Variants in TRMT10B observed in about 807,000 individuals in gnomAD.
TRMT10B encodes tRNA methyltransferase 10B.
TRMT10B carries 33 observed loss-of-function variants against 43.8 expected under a neutral mutation model. That is an observed-to-expected ratio of 0.75 (90% CI 0.57 to 1.01). TRMT10B has a LOEUF of 1.01. TRMT10B is among the 50% of genes least tolerant of loss of function. The pLI is 0.00. For synonymous variants in TRMT10B, 137 were observed against 130.6 expected (o/e 1.05, Z -0.34); for missense variants, 362 against 369.8 (o/e 0.98, Z 0.17).
chr9:37,775,476 T>C (rs1828038267), intron 7 of TRMT10B, among the ~76,000 whole-genome samples: 1 of 152,192 alleles, frequency 6.6e-6, no homozygotes, highest in South Asian at 2.1e-4. Context: ...ACTCTGACAC[T>C]AAATGGCCTC....
In TRMT10B at chr9:37,768,186, T is replaced by TG. The variant is rs1373231001; in HGVS notation, c.532dup (p.Glu178GlyfsTer8). 2.5e-6 allele frequency: 4 copies of TG among 1,614,094 alleles called. No individual in the cohort carries two copies. The highest frequency in any genetic ancestry group is 3.4e-6 in the Non-Finnish European group (4 of 1,180,022). ...GATTCACAACAGACAGTCCCCTTTA[T>TG]GAAGAGTGTGTGAGGATGAATGATG... On this transcript the variant is annotated frameshift_variant, in exon 5 of 9. Transcript: ENST00000297994. LOFTEE classifies it high-confidence loss of function.
rs1469093981 is a variant in TRMT10B, at chr9:37,770,712, T to C, written c.693T>C (p.Gly231=). The stretch of plus-strand genomic sequence containing the variant: ...ATCTAAACAAAGTTTACATCCTCGG[T>C]GGGCTTGTGGATGAAAGCATTCAGA... ...DVDLNKVYIL[G]GLVDESIQKK... Residue 231 remains glycine (G), a synonymous_variant, in exon 7 of 9, where the codon GGT becomes GGC. Coordinates refer to ENST00000297994, the MANE Select transcript of TRMT10B (RefSeq NM_144964.4). 6.2e-7 allele frequency: 1 copy of C among 1,613,948 alleles called. No individual in the cohort carries two copies. Among genetic ancestry groups the C allele is most frequent in the Non-Finnish European group, 8.5e-7 (1 of 1,180,048 alleles).
intron 4 of TRMT10B, among the ~76,000 whole-genome samples, chr9:37,764,222 C>T (rs111993641): frequency 0.12 from 18,297 of 152,020 alleles, 1,335 homozygotes; most frequent in Non-Finnish European, 0.16. Flanking sequence ...AATCTCAGCT[C>T]ACTGCAACCT....
chr9:37,756,281 AT>A (rs1825662873), intron 1 of TRMT10B, among the ~76,000 whole-genome samples: 1 of 152,188 alleles, frequency 6.6e-6, no homozygotes, highest in Admixed American at 6.5e-5. Flanking sequence ...AGATTAGTTT[AT>A]CTTAATGTTT....
At chr9:37,776,558 G>A (rs1589050674) in intron 8 of TRMT10B, 153 bp downstream of exon 8, 1 of 969,156 alleles carries the variant, frequency 1.0e-6, no homozygotes, top group Non-Finnish European at 1.4e-6. Flanking sequence ...GCCACTAAGA[G>A]GCATTCTGTT....
intron 4 of TRMT10B, 32 bp downstream of exon 4, chr9:37,763,785 T>A: frequency 6.2e-7 from 1 of 1,613,116 alleles, no homozygotes; most frequent in South Asian, 1.1e-5. Flanking sequence ...GAATTCCTGC[T>A]CGCCATGAGG....
intron 8 of TRMT10B, 52 bp from the exon 9 acceptor site, chr9:37,777,549 C>A: frequency 7.2e-7 from 1 of 1,393,944 alleles, no homozygotes; most frequent in South Asian, 1.2e-5. Flanking sequence ...TTCATTTACT[C>A]GTTCTTTTTT....
In TRMT10B at chr9:37,768,000, T is replaced by C. The variant is rs943239604; in HGVS notation, c.421-76T>C. 107 of 1,553,626 alleles carry C rather than the reference T, an allele frequency of 6.9e-5. No homozygotes were observed. The African/African-American group carries it at 1.0e-3, about 15-fold the overall frequency. On this transcript the variant is annotated intron_variant, in intron 4 of 8. Transcript: ENST00000297994. ...TCTGGAGTAGCGTTCAGTGAACTTA[T>C]TGTAGCCATTTCTTGATAGCTAATT...
At chr9:37,769,366 G>A (rs1368689099) in intron 5 of TRMT10B, among the ~76,000 whole-genome samples, 1 of 131,738 alleles carries the variant, frequency 7.6e-6, no homozygotes, top group Admixed American at 8.3e-5. Flanking sequence ...CCCAGTTCCA[G>A]CATTTCCTTC....
chr9:37,756,683 C>T (rs555057579), intron 1 of TRMT10B, among the ~76,000 whole-genome samples: 35 of 151,812 alleles, frequency 2.3e-4, no homozygotes, highest in Admixed American at 6.6e-4. Flanking sequence ...CATGCCACTG[C>T]GCTCCAGCCT....
At chr9:37,767,512 C>CAAAAAAAAAAAAAAAAAAAAAA (rs1376563452) in intron 4 of TRMT10B, 13 of 60,850 alleles carry the variant, frequency 2.1e-4, no homozygotes, top group South Asian at 1.2e-3. Flanking sequence ...GACCCTGTCT[C>CAAAAAAAAAAAAAAAAAAAAAA]CAAAAAAAAA....
intron 5 of TRMT10B, chr9:37,769,634 TAAAGACAGGC>T: frequency 4.3e-6 from 1 of 233,942 alleles, no homozygotes; most frequent in Non-Finnish European, 8.4e-6. Flanking sequence ...TTTTTTTTTT[TAAAGACAGGC>T]TGAAGTGCAG....
intron 8 of TRMT10B, among the ~76,000 whole-genome samples, 175 bp from the exon 9 acceptor site, chr9:37,777,426 G>A (rs1023898149): frequency 5.3e-5 from 8 of 150,748 alleles, no homozygotes; most frequent in Non-Finnish European, 1.2e-4. Flanking sequence ...TTCAGGGTAG[G>A]CTGAGGTCCT....
At chr9:37,772,597 A>C (rs369993588) in intron 7 of TRMT10B, among the ~76,000 whole-genome samples, 1 of 152,298 alleles carries the variant, frequency 6.6e-6, no homozygotes, top group South Asian at 2.1e-4. Context: ...GTTTAAGCTG[A>C]ATTTAATTGT....
intron 1 of TRMT10B, among the ~76,000 whole-genome samples, chr9:37,758,756 G>C (rs981164460): frequency 6.6e-6 from 1 of 152,174 alleles, no homozygotes; most frequent in South Asian, 2.1e-4. Flanking sequence ...AGGATATGAA[G>C]AAATTGTTTT....
chr9:37,760,396 A>C (rs1042543187), intron 1 of TRMT10B, among the ~76,000 whole-genome samples: 1 of 152,216 alleles, frequency 6.6e-6, no homozygotes, highest in East Asian at 1.9e-4. Context: ...ATGGTGATGC[A>C]TGCCTGTAGT....
At chr9:37,767,912 C>T (rs924340768) in intron 4 of TRMT10B, among the ~76,000 whole-genome samples, 164 bp from the exon 5 acceptor site, 1 of 152,162 alleles carries the variant, frequency 6.6e-6, no homozygotes, top group Admixed American at 6.5e-5. Flanking sequence ...TATCTTTTGT[C>T]TGTAAGGTGT....
Position 37,770,098 on chromosome 9 carries a change from C to G in TRMT10B, c.652+79C>G. On this transcript the variant is annotated intron_variant, in intron 6 of 8. Coordinates refer to ENST00000297994, the MANE Select transcript of TRMT10B (RefSeq NM_144964.4). ...TTCCCTGTGGCAGAATTTATTAAAG[C>G]CCCTCAAGAAGGACACCCCTCCCCA... 2.2e-6 allele frequency: 3 copies of G among 1,335,554 alleles called. No homozygotes were observed. The South Asian group carries it at 3.5e-5, about 16-fold the overall frequency. 82.7% of individuals were successfully genotyped at this position (1,335,554 alleles called of 1,614,324 possible).
intron 4 of TRMT10B, among the ~76,000 whole-genome samples, chr9:37,764,326 T>G (rs1659618614): frequency 6.8e-6 from 1 of 146,374 alleles, no homozygotes; most frequent in African/African-American, 2.6e-5. Flanking sequence ...TTTTTTTTTT[T>G]TTTTTTTTTT....
Sources: gnomAD v4.1 joint callset for allele counts (sites outside exome capture counted in the v4.1 genomes callset) on GRCh38, gnomAD v4.1.1 for gene constraint, MANE v1.5 for transcripts, NCBI Gene and HGNC (gene_info 2026-07-23, HGNC 2026-07-21) for gene names.